MAGI1: variants seen among roughly 807,000 people sequenced by gnomAD.
The protein encoded by MAGI1 is membrane associated guanylate kinase, WW and PDZ domain containing 1, also known as membrane-associated guanylate kinase, WW and PDZ domain-containing protein 1.
MAGI1 carries 58 observed loss-of-function variants against 139.9 expected under a neutral mutation model. The ratio of observed to expected loss-of-function variants is 0.41; its 90% CI spans 0.34 to 0.52. The LOEUF is 0.52. MAGI1 is among the 20% of genes least tolerant of loss of function. The pLI, the probability that MAGI1 is intolerant of heterozygous loss-of-function variation, is 0.12. For synonymous variants in MAGI1, 812 were observed against 737.9 expected, an observed-to-expected ratio of 1.10 and a Z score of -1.63; for missense variants, 1,874 against 1,901.6, an observed-to-expected ratio of 0.99 and a Z score of 0.27.
chr3:65,935,398 C>T (rs1276799030), intron 1 of MAGI1, among the ~76,000 whole-genome samples: 6 of 152,084 alleles, frequency 3.9e-5, no homozygotes, highest in Non-Finnish European at 8.8e-5. Flanking sequence ...CTTTGGAAGG[C>T]CGAGGTGGGC....
At chr3:65,840,691 G>A (rs1432904982) in intron 1 of MAGI1, among the ~76,000 whole-genome samples, 1 of 152,082 alleles carries the variant, frequency 6.6e-6, no homozygotes, top group Non-Finnish European at 1.5e-5. Context: ...ATTTTGGTGT[G>A]GGTGGGGGGT....
At chr3:65,747,897 G>A (rs2035832104) in intron 1 of MAGI1, among the ~76,000 whole-genome samples, 1 of 152,224 alleles carries the variant, frequency 6.6e-6, no homozygotes, top group Admixed American at 6.5e-5. Flanking sequence ...CAGAAGCAAA[G>A]CCAGCGGGCG....
chr3:65,913,665 A>G (rs2061768160), intron 1 of MAGI1, among the ~76,000 whole-genome samples: 1 of 152,232 alleles, frequency 6.6e-6, no homozygotes, highest in South Asian at 2.1e-4. Context: ...ATCCCTAACA[A>G]AGTATTGGAA....
At chr3:65,514,319 A>C (rs1385217628) in intron 2 of MAGI1, among the ~76,000 whole-genome samples, 14 of 106,262 alleles carry the variant, frequency 1.3e-4, no homozygotes, top group Admixed American at 6.3e-4. Flanking sequence ...GGATCTAATT[A>C]AACTAAAGAG....
At chr3:65,819,677 G>T (rs184097979) in intron 1 of MAGI1, among the ~76,000 whole-genome samples, 1 of 151,882 alleles carries the variant, frequency 6.6e-6, no homozygotes, top group Admixed American at 6.6e-5. Flanking sequence ...AAGAGATCGA[G>T]ACCATCCTGA....
rs1016336831 is a variant in MAGI1, at chr3:65,718,093, G to T, written c.314-96005C>A. Among the ~76,000 whole-genome samples, 3 of 152,078 alleles carry T rather than the reference G, an allele frequency of 2.0e-5. No homozygotes were observed. In the South Asian group the frequency reaches 6.2e-4, roughly 32 times the overall value. On this transcript the variant is annotated intron_variant, in intron 1 of 22. Transcript: ENST00000402939. ...CTACACTCGGGACCTTGAATTGATT[G>T]GTCTGTGACTCTAACTCCTGATAAG...
At chr3:65,995,654 C>T (rs1336322775) in intron 1 of MAGI1, among the ~76,000 whole-genome samples, 1 of 152,114 alleles carries the variant, frequency 6.6e-6, no homozygotes, top group Admixed American at 6.5e-5. Flanking sequence ...CCAGCAAGCA[C>T]ATTCCTGAAG....
In MAGI1 at chr3:65,432,640, C is replaced by G. The variant is rs996284325; in HGVS notation, c.1364-1759G>C. On this transcript the variant is annotated intron_variant, in intron 10 of 22. Transcript: ENST00000402939. ...AAAGGCAAGACTTACAAGGATTCGC[C>G]ACGCAAAGTCATCTGCCAAGGCGTT... Among the ~76,000 whole-genome samples, 15 of 152,254 alleles carry G rather than the reference C, an allele frequency of 9.9e-5. No individual in the cohort carries two copies. The East Asian group carries it at 2.5e-3, about 26-fold the overall frequency.
chr3:65,812,282 T>C (rs1365400979), intron 1 of MAGI1, among the ~76,000 whole-genome samples: 1 of 152,148 alleles, frequency 6.6e-6, no homozygotes, highest in Non-Finnish European at 1.5e-5. Context: ...GCGGGTATTC[T>C]AAAAATGTTA....
intron 2 of MAGI1, among the ~76,000 whole-genome samples, chr3:65,584,086 G>GA (rs542674034): frequency 0.6 from 57,065 of 95,778 alleles, 16,421 homozygotes; most frequent in East Asian, 0.78. Flanking sequence ...ATCTACTCTT[G>GA]AAAAAAAAAA....
At chr3:65,591,244 C>T (rs2081952720) in intron 2 of MAGI1, among the ~76,000 whole-genome samples, 2 of 152,118 alleles carry the variant, frequency 1.3e-5, no homozygotes, top group Non-Finnish European at 2.9e-5. Flanking sequence ...ATGACCCACC[C>T]CCGCCTGGTG....
intron 1 of MAGI1, among the ~76,000 whole-genome samples, chr3:65,723,064 G>T (rs1198371363): frequency 6.6e-6 from 1 of 152,090 alleles, no homozygotes; most frequent in Non-Finnish European, 1.5e-5. Context: ...GACTTAGGTT[G>T]CCCGGACTGT....
At chr3:65,520,711 A>G (rs1428218690) in intron 2 of MAGI1, among the ~76,000 whole-genome samples, 1 of 152,170 alleles carries the variant, frequency 6.6e-6, no homozygotes, top group Non-Finnish European at 1.5e-5. Flanking sequence ...GCCAGATGCA[A>G]AAAGAGTTAT....
intron 1 of MAGI1, among the ~76,000 whole-genome samples, chr3:66,026,385 A>G (rs1411407409): frequency 6.6e-6 from 1 of 152,180 alleles, no homozygotes; most frequent in Non-Finnish European, 1.5e-5. Context: ...AAAGTCAGAC[A>G]TATGGCTAAG....
chr3:65,460,829 G>A (rs190906850), intron 5 of MAGI1, among the ~76,000 whole-genome samples: 1 of 152,180 alleles, frequency 6.6e-6, no homozygotes, highest in African/African-American at 2.4e-5. Context: ...TTAGTTTGCT[G>A]AGAATGAGGG....
Position 65,356,533 on chromosome 3 carries a change from C to G in MAGI1, c.4234G>C (p.Glu1412Gln). The G allele has an allele frequency of 6.2e-7, 1 of 1,610,280 alleles. No homozygotes were observed. The highest frequency in any genetic ancestry group is 2.2e-5 in the East Asian group (1 of 44,808). The change falls in exon 23 of 23, where the codon GAG (glutamate) becomes CAG (glutamine). Residue 1412 changes from glutamate (E) to glutamine (Q), a missense_variant. Glu to Gln is a conservative substitution (Grantham distance 29). Around this residue, in one of 5 missense-constraint regions of MAGI1, gnomAD observed 653 missense variants for 644.5 expected, o/e 1.01. Transcript: ENST00000402939. ...CTGTTCCTTTTGTCCAGGGACCGCT[C>G]TCTCCTGCGCTCGGGGGAGCGTGCG... is the stretch of plus-strand genomic sequence containing the variant. ...RRARSPERRR[E>Q]RSLDKRNRED...
At chr3:65,875,837 CACA>C (rs2060095991) in intron 1 of MAGI1, among the ~76,000 whole-genome samples, 1 of 152,182 alleles carries the variant, frequency 6.6e-6, no homozygotes, top group African/African-American at 2.4e-5. Flanking sequence ...GTTAAATTTT[CACA>C]ACACCTCCCT....
At chr3:65,720,300 C>T (rs193189679) in intron 1 of MAGI1, among the ~76,000 whole-genome samples, 10 of 152,180 alleles carry the variant, frequency 6.6e-5, no homozygotes, top group East Asian at 1.9e-4. Flanking sequence ...TGCTGGTCAC[C>T]GAGTCCTCTG....
chr3:65,863,105 G>T (rs1271936035), intron 1 of MAGI1, among the ~76,000 whole-genome samples: 1 of 152,080 alleles, frequency 6.6e-6, no homozygotes, highest in African/African-American at 2.4e-5. Context: ...CAAAATCTTT[G>T]CTCTCAGAGT....
Sources: gnomAD v4.1 joint callset for allele counts (sites outside exome capture counted in the v4.1 genomes callset) on GRCh38, gnomAD v4.1.1 for gene constraint, gnomAD v4.1.1 regional missense constraint, MANE v1.5 for transcripts, NCBI Gene and HGNC (gene_info 2026-07-23, HGNC 2026-07-21) for gene names.